ECE1: variants seen among roughly 807,000 people sequenced by gnomAD.
The protein encoded by ECE1 is endothelin-converting enzyme 1.
Under a neutral mutation model 98.6 loss-of-function variants are expected in ECE1, and 35 were observed. The ratio of observed to expected loss-of-function variants is 0.35; its 90% CI spans 0.27 to 0.47. The LOEUF (loss-of-function observed/expected upper bound fraction) is 0.47, where lower values mean the gene tolerates loss of function less well. ECE1 is among the 20% of genes least tolerant of loss of function. The pLI is 1.00. For synonymous variants in ECE1, 394 were observed against 407.1 expected (o/e 0.97, Z 0.39); for missense variants, 814 against 1,025.3 (o/e 0.79, Z 2.81).
At chr1:21,314,345 A>G (rs577114606) in intron 1 of ECE1, among the ~76,000 whole-genome samples, 4 of 152,236 alleles carry the variant, frequency 2.6e-5, no homozygotes, top group South Asian at 2.1e-4. Context: ...CGGGCCCCCA[A>G]ATTCCTGGCT....
chr1:21,267,917 G>A (rs918274385), intron 4 of ECE1, among the ~76,000 whole-genome samples: 5 of 152,212 alleles, frequency 3.3e-5, no homozygotes, highest in Admixed American at 1.3e-4. Context: ...CACGTTTAAC[G>A]CTATTGGAAT....
rs897825489 is a variant in ECE1 at position 21,290,438 on chromosome 1, C to A, written c.-24G>T. 1 of 1,230,224 alleles carries A rather than the reference C, an allele frequency of 8.1e-7. No homozygotes were observed. The highest frequency in any genetic ancestry group is 1.0e-6 in the Non-Finnish European group (1 of 987,286). 76.2% of individuals were successfully genotyped at this position (1,230,224 alleles called of 1,614,324 possible). A position where few individuals can be genotyped will look rare whatever the true frequency, so the allele number is the denominator to read the frequency against. On this transcript the variant is annotated 5_prime_UTR_variant, in exon 1 of 19. Coordinates refer to ENST00000374893, the MANE Select transcript of ECE1 (RefSeq NM_001397.3). The surrounding 1 kb of genome is among the most constrained non-coding windows in gnomAD (Gnocchi z 7.3). ...ATGCTGTGCCCCAGACGCCTGGTCC[C>A]GCTGCCCGGGTGGCCGGGATGGGAT...
chr1:21,253,415 T>G (rs1472984120), intron 8 of ECE1, among the ~76,000 whole-genome samples: 3 of 152,070 alleles, frequency 2.0e-5, no homozygotes, highest in African/African-American at 7.2e-5. Context: ...CCATTTATTC[T>G]GGGAGATAGT....
intron 3 of ECE1, among the ~76,000 whole-genome samples, chr1:21,273,687 G>A (rs1375253050): frequency 6.6e-6 from 1 of 152,174 alleles, no homozygotes; most frequent in African/African-American, 2.4e-5. Context: ...GCTACGCCAG[G>A]TGCCGTGGCT....
chr1:21,234,989 T>A (rs561693189), intron 13 of ECE1, among the ~76,000 whole-genome samples: 1 of 152,302 alleles, frequency 6.6e-6, no homozygotes, highest in South Asian at 2.1e-4. Context: ...TCTTAGGTTC[T>A]AAATATAACC....
At chr1:21,288,829 C>A (rs1294608187) in intron 2 of ECE1, among the ~76,000 whole-genome samples, 1 of 152,140 alleles carries the variant, frequency 6.6e-6, no homozygotes, top group Admixed American at 6.5e-5. Context: ...GACCGAAGGC[C>A]AGTGGTTGCC....
chr1:21,236,753 T>G lies in ECE1; in HGVS notation c.1481A>C (p.Lys494Thr), dbSNP rs754985981. 1.9e-6 allele frequency: 3 copies of G among 1,614,004 alleles called. No homozygotes were observed. In the Admixed American group the frequency reaches 5.0e-5, roughly 27 times the overall value. Residue 494 changes from lysine to threonine, a missense_variant, in exon 12 of 19, where the codon AAG (lysine) becomes ACG (threonine). By Grantham distance (78) the Lys-to-Thr change is moderately conservative. This residue lies in a region of ECE1 where 452 missense variants were observed against 567.3 expected (regional missense o/e 0.80). Coordinates refer to ENST00000374893, the MANE Select transcript of ECE1 (RefSeq NM_001397.3). ...WMDEETRKSA[K>T]EKADAIYNMI... is the part of the protein sequence containing the mutation. Reference sequence around the variant, plus strand: ...GTGCCTGGCCAGCCTCACCTTTTCCTTGGCTGATTTTCGGGTTTCCTCATC... The same window carrying G: ...GTGCCTGGCCAGCCTCACCTTTTCCGTGGCTGATTTTCGGGTTTCCTCATC...
At position 21,221,613 on chromosome 1, in the gene ECE1, A is replaced by G. The variant is rs533643886; in HGVS notation, c.2136+134T>C. The stretch of plus-strand genomic sequence containing the variant: ...CCGTGCATCTCTCTAATGACAGGGC[A>G]CATGTGCTGTGCACAGTCCAGTGAC... On this transcript the variant is annotated intron_variant, in intron 18 of 18. Coordinates refer to ENST00000374893, the MANE Select transcript of ECE1 (RefSeq NM_001397.3). 1.0e-4 allele frequency: 92 copies of G among 915,608 alleles called. 1 individual carries two copies. The South Asian group carries it at 1.2e-3, about 12-fold the overall frequency. 56.7% of individuals were successfully genotyped at this position (915,608 alleles called of 1,614,324 possible).
rs2098265305 is a variant in ECE1, at chr1:21,290,286, CCGGCCCA to C, written c.51+71_51+77del. On this transcript the variant is annotated intron_variant, in intron 1 of 18. Coordinates refer to ENST00000374893, the MANE Select transcript of ECE1 (RefSeq NM_001397.3). The surrounding 1 kb of genome is among the most constrained non-coding windows in gnomAD (Gnocchi z 7.3). ...CCGGCCTGGACACCCGAGACCGAGA[CCGGCCCA>C]CGGAGCGGCCCGCGCGGGGAGGGGT... 1.6e-6 allele frequency: 2 copies of C among 1,285,568 alleles called. No individual in the cohort carries two copies. Among genetic ancestry groups the C allele is most frequent in the Non-Finnish European group, 9.8e-7 (1 of 1,016,604 alleles). 79.6% of individuals were successfully genotyped at this position (1,285,568 alleles called of 1,614,324 possible).
intron 11 of ECE1, among the ~76,000 whole-genome samples, chr1:21,237,508 T>C (rs957153871): frequency 4.6e-5 from 7 of 152,194 alleles, no homozygotes; most frequent in African/African-American, 1.7e-4. Context: ...CGGCTGCAGA[T>C]GACAGCTACA....
At chr1:21,274,693 T>C (rs2098244419) in intron 3 of ECE1, among the ~76,000 whole-genome samples, 1 of 152,196 alleles carries the variant, frequency 6.6e-6, no homozygotes. Flanking sequence ...TAACATTTGA[T>C]GACAAACACA....
At chr1:21,249,604 C>T (rs750432476) in intron 8 of ECE1, among the ~76,000 whole-genome samples, 2 of 152,044 alleles carry the variant, frequency 1.3e-5, no homozygotes, top group Non-Finnish European at 2.9e-5. Context: ...ATTGCTTGAG[C>T]CTGGGAGGTC....
At chr1:21,332,718 AGGGGAG>A (rs1639225508) in intron 1 of ECE1, among the ~76,000 whole-genome samples, 1 of 394 alleles carries the variant, frequency 2.5e-3, no homozygotes, top group Non-Finnish European at 5.9e-3. Flanking sequence ...GAGGGAGGGG[AGGGGAG>A]GGGAGGGGAG....
At chr1:21,321,301 C>A (rs1638958890) in intron 1 of ECE1, among the ~76,000 whole-genome samples, 1 of 152,160 alleles carries the variant, frequency 6.6e-6, no homozygotes, top group African/African-American at 2.4e-5. Flanking sequence ...CTTCAGGAGG[C>A]CCAGATAACA....
intron 1 of ECE1, among the ~76,000 whole-genome samples, chr1:21,315,470 A>AG (rs1203516495): frequency 6.6e-6 from 1 of 152,112 alleles, no homozygotes; most frequent in Non-Finnish European, 1.5e-5. Flanking sequence ...GGAAAGTCCT[A>AG]GGGGCTTGTA....
upstream of ECE1, chr1:21,290,628 T>G: frequency 9.4e-7 from 1 of 1,059,846 alleles, no homozygotes; most frequent in Non-Finnish European, 1.2e-6. The surrounding 1 kb of genome is among the most constrained non-coding windows in gnomAD (Gnocchi z 7.3). Flanking sequence ...GCCCCCAAAC[T>G]GAAGCCCCTA....
intron 1 of ECE1, among the ~76,000 whole-genome samples, chr1:21,342,597 C>CACACACAGAT (rs1639421110): frequency 1.5e-5 from 2 of 133,402 alleles, no homozygotes; most frequent in South Asian, 2.5e-4. Flanking sequence ...GACACACAGA[C>CACACACAGAT]ACACACAGAT....
intron 4 of ECE1, 59 bp downstream of exon 4, chr1:21,272,640 G>A (rs999093771): frequency 6.3e-7 from 1 of 1,599,324 alleles, no homozygotes; most frequent in Non-Finnish European, 8.6e-7. Context: ...GAAGCTGGCT[G>A]GGCCAGCTGA....
chr1:21,260,187 G>A lies in ECE1; in HGVS notation c.615+84C>T. 6.3e-7 allele frequency: 1 copy of A among 1,596,514 alleles called. No individual in the cohort carries two copies. Among genetic ancestry groups the A allele is most frequent in the Non-Finnish European group, 8.6e-7 (1 of 1,164,728 alleles). On this transcript the variant is annotated intron_variant, in intron 5 of 18. Transcript: ENST00000374893. This position sits in a 1 kb window ranked among gnomAD's most constrained non-coding sequence, Gnocchi z 4.3. ...GGCTGGACGTATGAGGTGGGCCAGT[G>A]GTACCAGAAGGCTGGAGTGGAAGCC... is the stretch of plus-strand genomic sequence containing the variant.
Sources: allele counts gnomAD v4.1 joint callset (sites outside exome capture counted in the v4.1 genomes callset), GRCh38; gene constraint gnomAD v4.1.1; regional missense constraint gnomAD v4.1.1; non-coding constraint Gnocchi (gnomAD v3.1); transcripts MANE v1.5; gene names NCBI Gene and HGNC (gene_info 2026-07-23, HGNC 2026-07-21).